RBFOX1: variants seen among roughly 807,000 people sequenced by gnomAD.
RBFOX1 encodes the protein RNA binding fox-1 homolog 1.
RBFOX1 carries 8 observed loss-of-function variants against 57.7 expected under a neutral mutation model. That is an observed-to-expected ratio of 0.14 (90% CI 0.08 to 0.25). The LOEUF (loss-of-function observed/expected upper bound fraction) is 0.25, where lower values mean the gene tolerates loss of function less well. RBFOX1 is among the 10% of genes least tolerant of loss of function. The pLI is 1.00. For synonymous variants in RBFOX1, 326 were observed against 222.4 expected, an observed-to-expected ratio of 1.47 and a Z score of -4.15; for missense variants, 611 against 548.5, an observed-to-expected ratio of 1.11 and a Z score of -1.14.
At chr16:6,485,269 A>G (rs1330179048) in intron 2 of RBFOX1, among the ~76,000 whole-genome samples, 1 of 152,176 alleles carries the variant, frequency 6.6e-6, no homozygotes, top group African/African-American at 2.4e-5. Context: ...TAGAATACTC[A>G]GAGGTTATGA....
At chr16:5,890,391 A>G (rs996313820) in intron 4 of RBFOX1, among the ~76,000 whole-genome samples, 10 of 152,154 alleles carry the variant, frequency 6.6e-5, no homozygotes, top group African/African-American at 2.4e-4. Flanking sequence ...TGATTTTGCC[A>G]TGAAGTCCCA....
chr16:7,530,515 A>T (rs1447915876), intron 5 of RBFOX1, among the ~76,000 whole-genome samples: 2 of 152,014 alleles, frequency 1.3e-5, no homozygotes, highest in Non-Finnish European at 1.5e-5. Flanking sequence ...AAAAAAAAAA[A>T]AAAGTCTTCA....
chr16:7,066,846 T>C (rs1333369374), intron 4 of RBFOX1, among the ~76,000 whole-genome samples: 1 of 152,160 alleles, frequency 6.6e-6, no homozygotes, highest in African/African-American at 2.4e-5. Context: ...TCCCAGCCAG[T>C]GAGTGGCAGA....
chr16:6,287,282 C>T (rs1007928692), intron 1 of RBFOX1, among the ~76,000 whole-genome samples: 2 of 152,138 alleles, frequency 1.3e-5, no homozygotes, highest in African/African-American at 4.8e-5. Flanking sequence ...CAACGAGTGC[C>T]ACCAAAAATA....
At chr16:7,575,380 C>T (rs1197483852) in intron 5 of RBFOX1, among the ~76,000 whole-genome samples, 3 of 152,080 alleles carry the variant, frequency 2.0e-5, no homozygotes, top group East Asian at 1.9e-4. Flanking sequence ...TGATCTGCCC[C>T]GCTCAGCCTC....
chr16:5,714,367 A>G (rs1189449564), intron 3 of RBFOX1, among the ~76,000 whole-genome samples: 2 of 152,202 alleles, frequency 1.3e-5, no homozygotes, highest in Non-Finnish European at 2.9e-5. Flanking sequence ...CATGATGAGA[A>G]GAACTTCCCC....
In RBFOX1 at chr16:7,446,016, A is replaced by G. The variant is rs113093451; in HGVS notation, c.28-72131A>G. Among the ~76,000 whole-genome samples the G allele has an allele frequency of 6.7e-3, 1,015 of 152,228 alleles. 13 individuals are homozygous for G. The highest frequency in any genetic ancestry group is 0.023 in the African/African-American group (940 of 41,522). ...TTCTCTTTCTAATCTCAGCCTGCCC[A>G]ACAATTTGTAGCATGGTCTTGCTAC... On this transcript the variant is annotated intron_variant, in intron 4 of 15. Transcript: ENST00000550418.
At chr16:7,034,827 C>CTTTTTTTTTTTCTTTTT (rs2043824001) in intron 3 of RBFOX1, among the ~76,000 whole-genome samples, 13 of 54,106 alleles carry the variant, frequency 2.4e-4, no homozygotes, top group South Asian at 1.0e-3. Context: ...TATTGCATTA[C>CTTTTTTTTTTTCTTTTT]TTTTTTTTTT....
intron 3 of RBFOX1, among the ~76,000 whole-genome samples, chr16:6,659,707 G>A (rs2098689114): frequency 6.6e-6 from 1 of 152,090 alleles, no homozygotes; most frequent in African/African-American, 2.4e-5. Context: ...CTCCCACATT[G>A]CAGCTCTAGC....
At chr16:7,572,868 G>A (rs115958285) in intron 5 of RBFOX1, among the ~76,000 whole-genome samples, 855 of 78,618 alleles carry the variant, frequency 0.011, 12 homozygotes, top group African/African-American at 0.03. Flanking sequence ...TAAATAAAAT[G>A]AACCAGCCCC....
chr16:5,742,572 A>G (rs1039450496), intron 3 of RBFOX1, among the ~76,000 whole-genome samples: 3 of 152,296 alleles, frequency 2.0e-5, no homozygotes, highest in South Asian at 4.1e-4. Flanking sequence ...TCTGGCACAT[A>G]GTAGATATCC....
chr16:6,632,703 C>T (rs970697638), intron 2 of RBFOX1, among the ~76,000 whole-genome samples: 1 of 152,220 alleles, frequency 6.6e-6, no homozygotes, highest in African/African-American at 2.4e-5. Context: ...GAAGTGCTTG[C>T]CAGGCCTAAC....
chr16:7,021,917 C>T (rs1005671085), intron 3 of RBFOX1, among the ~76,000 whole-genome samples: 2 of 142,490 alleles, frequency 1.4e-5, no homozygotes, highest in Non-Finnish European at 3.0e-5. Flanking sequence ...TCTTTCTTTT[C>T]TTTCTTTCTT....
intron 3 of RBFOX1, among the ~76,000 whole-genome samples, chr16:5,611,006 C>T (rs1295669958): frequency 1.3e-5 from 2 of 152,246 alleles, no homozygotes; most frequent in African/African-American, 4.8e-5. Context: ...GAGCATCCTA[C>T]GATGTGGCCT....
intron 2 of RBFOX1, among the ~76,000 whole-genome samples, chr16:6,450,775 A>G (rs1315175206): frequency 1.3e-3 from 45 of 35,208 alleles, no homozygotes; most frequent in African/African-American, 5.5e-3. Context: ...GTGTATATAT[A>G]TATATATATA....
At chr16:5,596,851 G>T in intron 2 of RBFOX1, among the ~76,000 whole-genome samples, 1 of 151,840 alleles carries the variant, frequency 6.6e-6, no homozygotes, top group East Asian at 1.9e-4. Context: ...ACTTTAGACA[G>T]TCGCTGGAAG....
At chr16:7,157,153 A>G (rs1465248619) in intron 4 of RBFOX1, among the ~76,000 whole-genome samples, 2 of 152,172 alleles carry the variant, frequency 1.3e-5, no homozygotes, top group Non-Finnish European at 2.9e-5. Context: ...AGGATAAGGG[A>G]AGCAAACTCA....
chr16:6,346,958 A>T (rs768142295), intron 2 of RBFOX1, among the ~76,000 whole-genome samples: 5 of 152,128 alleles, frequency 3.3e-5, no homozygotes, highest in African/African-American at 1.2e-4. Flanking sequence ...TGAGATTTCA[A>T]TGTGTGTTGT....
chr16:5,838,923 A>G lies in RBFOX1; in HGVS notation c.319-28380A>G, dbSNP rs190085425. Among the ~76,000 whole-genome samples, 480 of 152,292 alleles carry G rather than the reference A, an allele frequency of 3.2e-3. 5 individuals carry two copies. Among genetic ancestry groups the G allele is most frequent in the African/African-American group, 0.011 (457 of 41,546 alleles). The stretch of plus-strand genomic sequence containing the variant: ...TTTCCTTGCTCAAGATGACTTTGAG[A>G]GGTGTGCTTCTCAGCTGGAGGAAAA... On this transcript the variant is annotated intron_variant, in intron 3 of 19. Coordinates refer to the RBFOX1 transcript ENST00000641259.
Sources: gnomAD v4.1 joint callset for allele counts (sites outside exome capture counted in the v4.1 genomes callset) on GRCh38, gnomAD v4.1.1 for gene constraint, MANE v1.5 for transcripts, NCBI Gene and HGNC (gene_info 2026-07-23, HGNC 2026-07-21) for gene names.